The following KDM4C variants were observed in gnomAD, a reference collection of about 807,000 sequenced individuals.
The protein encoded by KDM4C is lysine-specific demethylase 4C.
Under a neutral mutation model 129.3 loss-of-function variants are expected in KDM4C, and 81 were observed. The observed-to-expected ratio is 0.63, with a 90% confidence interval of 0.52 to 0.75. The LOEUF is 0.75. KDM4C is among the 30% of genes least tolerant of loss of function. KDM4C has a pLI of 0.00. For missense variants in KDM4C, 1,457 were observed against 1,304.0 expected, an observed-to-expected ratio of 1.12 and a Z score of -1.81; for synonymous variants, 573 against 456.1, an observed-to-expected ratio of 1.26 and a Z score of -3.26.
At chr9:7,167,447 A>T (rs1163448275) in intron 20 of KDM4C, among the ~76,000 whole-genome samples, 1 of 152,198 alleles carries the variant, frequency 6.6e-6, no homozygotes, top group Non-Finnish European at 1.5e-5. Context: ...GAAAGTAGGC[A>T]CAGGTGGTTC....
At chr9:6,943,805 A>G (rs11790720) in intron 8 of KDM4C, among the ~76,000 whole-genome samples, 38,230 of 152,122 alleles carry the variant, frequency 0.25, 5,393 homozygotes, top group South Asian at 0.42. Flanking sequence ...AACAACTGAA[A>G]TGTTTGTCAA....
chr9:6,788,855 G>A (rs993465174), intron 1 of KDM4C, among the ~76,000 whole-genome samples: 1 of 152,184 alleles, frequency 6.6e-6, no homozygotes, highest in Non-Finnish European at 1.5e-5. Context: ...TCAGGGGTGT[G>A]CAGGAGTTTG....
intron 8 of KDM4C, among the ~76,000 whole-genome samples, chr9:6,973,504 T>C (rs184347182): frequency 6.6e-6 from 1 of 152,256 alleles, no homozygotes; most frequent in Non-Finnish European, 1.5e-5. Context: ...TGCAGGTTAT[T>C]GTTTTCGACA....
At chr9:6,722,741 A>C (rs930588846) in intron 1 of KDM4C, among the ~76,000 whole-genome samples, 1 of 151,848 alleles carries the variant, frequency 6.6e-6, no homozygotes, top group Non-Finnish European at 1.5e-5. Flanking sequence ...TCGAACTCTC[A>C]ACCTCAGGTG....
chr9:7,002,184 C>T (rs1042603711), intron 12 of KDM4C, among the ~76,000 whole-genome samples: 7 of 152,184 alleles, frequency 4.6e-5, no homozygotes, highest in African/African-American at 1.7e-4. Flanking sequence ...TGAGCCACCG[C>T]ACTTGCCTCC....
chr9:6,990,473 C>T lies in KDM4C; in HGVS notation c.1735C>T (p.Pro579Ser), dbSNP rs767329125. ...TTGGCGCCATCCACTTAGCAGGCCTCCAGCAAGATCTCCGATGACTCTTGT... is the reference window on the plus strand; with the variant it reads ...TTGGCGCCATCCACTTAGCAGGCCTTCAGCAAGATCTCCGATGACTCTTGT... ...KSWRHPLSRPPARSPMTLVKQ... is the reference protein window; with the variant it reads ...KSWRHPLSRPSARSPMTLVKQ... Residue 579 changes from proline to serine, a missense_variant, in exon 12 of 22, where the codon CCA becomes TCA. Coordinates refer to ENST00000381309, the MANE Select transcript of KDM4C (RefSeq NM_015061.6). The T allele has an allele frequency of 1.2e-6, 2 of 1,613,134 alleles. No homozygotes were observed. The highest frequency in any genetic ancestry group is 1.1e-5 in the South Asian group (1 of 91,036).
At chr9:6,836,255 C>T (rs866778192) in intron 4 of KDM4C, among the ~76,000 whole-genome samples, 1 of 152,144 alleles carries the variant, frequency 6.6e-6, no homozygotes, top group Admixed American at 6.5e-5. Context: ...AGTTCAAGAC[C>T]AGCCTGGCCA....
intron 8 of KDM4C, among the ~76,000 whole-genome samples, chr9:6,972,341 C>G (rs191128822): frequency 6.6e-6 from 1 of 151,980 alleles, no homozygotes; most frequent in Non-Finnish European, 1.5e-5. Flanking sequence ...TTTTCTCTAC[C>G]TAATGGTAAT....
intron 5 of KDM4C, among the ~76,000 whole-genome samples, chr9:6,866,722 G>A (rs112080162): frequency 0.011 from 1,729 of 152,038 alleles, 29 homozygotes; most frequent in African/African-American, 0.039. Flanking sequence ...ACCGTGAGTG[G>A]GGGGTTTATT....
Position 6,846,221 on chromosome 9 carries a change from GGTCCAGGA to G in KDM4C, c.436-3282_436-3275del, listed in dbSNP as rs775161283. On this transcript the variant is annotated intron_variant, in intron 4 of 21. Transcript: ENST00000381309. ...AGAAGCATAAACCTTTAAAAGGGAA[GGTCCAGGA>G]GTCAGATAGATTTAGGTTAATCATT... Among the ~76,000 whole-genome samples the G allele has an allele frequency of 3.4e-3, 514 of 152,304 alleles. 1 individual carries two copies. The highest frequency in any genetic ancestry group is 5.9e-3 in the Non-Finnish European group (398 of 68,034).
intron 2 of KDM4C, among the ~76,000 whole-genome samples, chr9:6,800,598 C>A (rs1221683202): frequency 6.8e-6 from 1 of 147,504 alleles, no homozygotes; most frequent in Non-Finnish European, 1.5e-5. Flanking sequence ...GAATGTATAT[C>A]TATCTATTTT....
chr9:6,822,164 G>C (rs1190528884), intron 4 of KDM4C, among the ~76,000 whole-genome samples: 1 of 152,170 alleles, frequency 6.6e-6, no homozygotes, highest in Non-Finnish European at 1.5e-5. Flanking sequence ...GCTGGTTTTT[G>C]TAATAAAGCT....
At chr9:6,819,587 G>A (rs1456175361) in intron 4 of KDM4C, among the ~76,000 whole-genome samples, 3 of 152,188 alleles carry the variant, frequency 2.0e-5, no homozygotes, top group African/African-American at 7.2e-5. Context: ...AAAGACATGA[G>A]AGGAGTGTTG....
chr9:6,875,897 A>G (rs1204310377), intron 5 of KDM4C, among the ~76,000 whole-genome samples: 2 of 152,228 alleles, frequency 1.3e-5, no homozygotes, highest in African/African-American at 4.8e-5. Flanking sequence ...CTAGCAGCAC[A>G]TCTATTATAA....
chr9:6,980,106 G>C (rs1454873956), intron 8 of KDM4C, among the ~76,000 whole-genome samples: 1 of 152,020 alleles, frequency 6.6e-6, no homozygotes, highest in African/African-American at 2.4e-5. Context: ...GGTATGTTAG[G>C]GATTGTCAAG....
At chr9:6,925,230 G>A in intron 8 of KDM4C, 1 of 985,398 alleles carries the variant, frequency 1.0e-6, no homozygotes, top group Non-Finnish European at 1.2e-6. Context: ...AGCTGTGGCA[G>A]AGCTTCAGAC....
chr9:6,938,374 A>G (rs1825205073), intron 8 of KDM4C, among the ~76,000 whole-genome samples: 1 of 152,156 alleles, frequency 6.6e-6, no homozygotes, highest in African/African-American at 2.4e-5. Context: ...CTTTTTTAGG[A>G]GGATGAAAAG....
At chr9:7,153,754 G>C (rs749935143) in intron 19 of KDM4C, among the ~76,000 whole-genome samples, 7 of 152,176 alleles carry the variant, frequency 4.6e-5, no homozygotes, top group Non-Finnish European at 8.8e-5. Context: ...TTTAGTGAAA[G>C]GTTATTGGGG....
intron 8 of KDM4C, among the ~76,000 whole-genome samples, chr9:6,931,526 G>T (rs983237747): frequency 2.0e-5 from 3 of 151,760 alleles, no homozygotes; most frequent in African/African-American, 7.3e-5. Flanking sequence ...CATAAGAAAG[G>T]GTCTTGTTCT....
Sources: allele counts gnomAD v4.1 joint callset (sites outside exome capture counted in the v4.1 genomes callset), GRCh38; gene constraint gnomAD v4.1.1; transcripts MANE v1.5; gene names NCBI Gene and HGNC (gene_info 2026-07-23, HGNC 2026-07-21).